PCDHGC5: variants seen among roughly 807,000 people sequenced by gnomAD.
PCDHGC5 encodes the protein protocadherin gamma subfamily C, 5, also known as protocadherin gamma-C5.
PCDHGC5 carries 25 observed loss-of-function variants against 59.0 expected under a neutral mutation model. The ratio of observed to expected loss-of-function variants is 0.42; its 90% CI spans 0.31 to 0.59. The LOEUF (loss-of-function observed/expected upper bound fraction) is 0.59. PCDHGC5 is among the 20% of genes least tolerant of loss of function. The probability of loss-of-function intolerance (pLI) is 0.13; values close to 1 mark genes in which losing one functional copy is unlikely to be tolerated. For synonymous variants in PCDHGC5, 434 were observed against 505.5 expected, an observed-to-expected ratio of 0.86 and a Z score of 1.90; for missense variants, 1,067 against 1,206.4, an observed-to-expected ratio of 0.88 and a Z score of 1.71.
At position 141,495,662 on chromosome 5, in the gene PCDHGC5, C is replaced by T. The variant is rs545912968; in HGVS notation, c.2519+797C>T. The stretch of plus-strand genomic sequence containing the variant: ...TTTGTCTACTTGCATTGATCTGTGC[C>T]GCCCACTGTGCCTGCCATGGCATAA... On this transcript the variant is annotated intron_variant, in intron 2 of 3. Coordinates refer to ENST00000252087, the MANE Select transcript of PCDHGC5 (RefSeq NM_018929.3). Among the ~76,000 whole-genome samples, 8 of 152,256 alleles carry T rather than the reference C, an allele frequency of 5.3e-5. No individual in the cohort carries two copies. In the South Asian group the frequency reaches 6.2e-4, roughly 12 times the overall value.
At chr5:141,497,464 TGGA>T (rs769464389) in intron 2 of PCDHGC5, among the ~76,000 whole-genome samples, 3 of 151,764 alleles carry the variant, frequency 2.0e-5, no homozygotes, top group Non-Finnish European at 4.4e-5. Context: ...CTTGGAGATA[TGGA>T]GGAGAAGGTG....
At chr5:141,498,971 G>GGGAGGGAAGGAAGGAAGGAA (rs2099787588) in intron 2 of PCDHGC5, among the ~76,000 whole-genome samples, 11 of 111,048 alleles carry the variant, frequency 9.9e-5, no homozygotes, top group African/African-American at 3.2e-4. Context: ...GAGGGAGGGA[G>GGGAGGGAAGGAAGGAAGGAA]GGAAGGAAGG....
intron 3 of PCDHGC5, among the ~76,000 whole-genome samples, chr5:141,506,598 G>A (rs1056005258): frequency 6.6e-6 from 1 of 152,130 alleles, no homozygotes; most frequent in Non-Finnish European, 1.5e-5. Context: ...CAGTATTAAC[G>A]GATCTCATTG....
At position 141,491,290 on chromosome 5, in the gene PCDHGC5, C is replaced by T. The variant is rs747758229; in HGVS notation, c.2050C>T (p.Pro684Ser). Reference sequence around the variant, plus strand: ...CAAATCCAGTGACTTCCTCATACACCCTCCTGAGCGTTCAGACCTTACCCT... The same window carrying T: ...CAAATCCAGTGACTTCCTCATACACTCTCCTGAGCGTTCAGACCTTACCCT... ...MPKSSDFLIH[P>S]PERSDLTLYL... is the part of the protein sequence containing the mutation. Residue 684 changes from proline to serine, a missense_variant, in exon 1 of 4, where the codon CCT becomes TCT. Pro to Ser is a moderately conservative substitution (Grantham distance 74). Coordinates refer to ENST00000252087, the MANE Select transcript of PCDHGC5 (RefSeq NM_018929.3). The surrounding 1 kb of genome is among the most constrained non-coding windows in gnomAD (Gnocchi z 6.9). 6.2e-7 allele frequency: 1 copy of T among 1,613,974 alleles called. No homozygotes were observed. Among genetic ancestry groups the T allele is most frequent in the Non-Finnish European group, 8.5e-7 (1 of 1,179,952 alleles).
At chr5:141,504,240 G>A (rs1275204117) in intron 2 of PCDHGC5, among the ~76,000 whole-genome samples, 1 of 152,182 alleles carries the variant, frequency 6.6e-6, no homozygotes, top group Non-Finnish European at 1.5e-5. Context: ...AAGAAGCAGA[G>A]AGTTCTTCTT....
chr5:141,505,589 C>T, intron 3 of PCDHGC5, 108 bp downstream of exon 3: 1 of 1,573,272 alleles, frequency 6.4e-7, no homozygotes, highest in Non-Finnish European at 8.6e-7. Context: ...GTAGTTTCTC[C>T]AGATCTTTCG....
intron 3 of PCDHGC5, among the ~76,000 whole-genome samples, chr5:141,505,942 G>A (rs2099849309): frequency 6.6e-6 from 1 of 152,192 alleles, no homozygotes; most frequent in African/African-American, 2.4e-5. Flanking sequence ...AAGCCCTCAA[G>A]CAATGAAAGT....
At position 141,491,809 on chromosome 5, in the gene PCDHGC5, C is replaced by A. The variant is rs1421763758; in HGVS notation, c.2460+109C>A. The A allele has an allele frequency of 6.7e-7, 1 of 1,487,044 alleles. No homozygotes were observed. The highest frequency in any genetic ancestry group is 1.4e-5 in the South Asian group (1 of 72,986). The allele number at this position is 1,487,044 out of a possible 1,614,324, so 92.1% of individuals were successfully genotyped here. On this transcript the variant is annotated intron_variant, in intron 1 of 3. Coordinates refer to ENST00000252087, the MANE Select transcript of PCDHGC5 (RefSeq NM_018929.3). This position sits in a 1 kb window ranked among gnomAD's most constrained non-coding sequence, Gnocchi z 6.9. Reference sequence around the variant, plus strand: ...TCCACTCCTCTCCGGCCGGCTTGGTCGCTGGCTGCGCTCCACCCGATTCTC... The same window carrying A: ...TCCACTCCTCTCCGGCCGGCTTGGTAGCTGGCTGCGCTCCACCCGATTCTC...
rs551414580 is a variant in PCDHGC5, at chr5:141,493,693, C to T, written c.2461-1114C>T. ...GCCCCAGAATGGTGCTGGTGACTCC[C>T]GATACACCTGGAATGCTAGGTTTCT... On this transcript the variant is annotated intron_variant, in intron 1 of 3. Coordinates refer to ENST00000252087, the MANE Select transcript of PCDHGC5 (RefSeq NM_018929.3). This position sits in a 1 kb window ranked among gnomAD's most constrained non-coding sequence, Gnocchi z 4.3. 5.3e-5 allele frequency among the ~76,000 whole-genome samples: 8 copies of T among 152,168 alleles called. No individual in the cohort carries two copies. Among genetic ancestry groups the T allele is most frequent in the Non-Finnish European group, 1.0e-4 (7 of 68,032 alleles).
At chr5:141,503,309 A>G (rs2099819130) in intron 2 of PCDHGC5, among the ~76,000 whole-genome samples, 1 of 152,034 alleles carries the variant, frequency 6.6e-6, no homozygotes, top group Non-Finnish European at 1.5e-5. Flanking sequence ...TCAAGAAAGA[A>G]TTGTTGGAGG....
At position 141,494,934 on chromosome 5, in the gene PCDHGC5, T is replaced by C. The variant is rs2099757666; in HGVS notation, c.2519+69T>C. On this transcript the variant is annotated intron_variant, in intron 2 of 3. Transcript: ENST00000252087. ...TTCTCAGGGATGACGTGGGAGGAGA[T>C]GGGGGAGGGCCCAGCATTTGCTACA... 5.6e-6 allele frequency: 9 copies of C among 1,612,736 alleles called. No individual in the cohort carries two copies. The South Asian group carries it at 7.7e-5, about 14-fold the overall frequency.
chr5:141,505,078 C>G (rs535590642), intron 2 of PCDHGC5, among the ~76,000 whole-genome samples: 81 of 152,298 alleles, frequency 5.3e-4, no homozygotes, highest in African/African-American at 2.0e-3. Flanking sequence ...AGGAGAATCG[C>G]TTGAACCCAG....
In PCDHGC5 at chr5:141,491,722, C is replaced by T. The variant is rs1276921909; in HGVS notation, c.2460+22C>T. ...CCAGGTGAGGGGCTCGGCGCCGCCC[C>T]GGGCGACCCCTGGGGGCGGCACTGG... On this transcript the variant is annotated intron_variant, in intron 1 of 3. Coordinates refer to ENST00000252087, the MANE Select transcript of PCDHGC5 (RefSeq NM_018929.3). This position sits in a 1 kb window ranked among gnomAD's most constrained non-coding sequence, Gnocchi z 6.9. The T allele has an allele frequency of 6.2e-7, 1 of 1,607,004 alleles. No homozygotes were observed.
chr5:141,494,953 T>G, intron 2 of PCDHGC5, 88 bp downstream of exon 2: 1 of 1,604,164 alleles, frequency 6.2e-7, no homozygotes, highest in Non-Finnish European at 8.5e-7. Flanking sequence ...GCCCAGCATT[T>G]GCTACAGATG....
Position 141,491,889 on chromosome 5 carries a change from C to T in PCDHGC5, c.2460+189C>T, listed in dbSNP as rs2099734763. On this transcript the variant is annotated intron_variant, in intron 1 of 3. Transcript: ENST00000252087. The surrounding 1 kb of genome is among the most constrained non-coding windows in gnomAD (Gnocchi z 6.9). ...GAGTGGCCGATTAAGGGATGGGGCT[C>T]CGAGCACCGGGGGTGGTGGCGACTG... 11 of 1,441,360 alleles carry T rather than the reference C, an allele frequency of 7.6e-6. No individual in the cohort carries two copies. Among genetic ancestry groups the T allele is most frequent in the Non-Finnish European group, 1.0e-5 (11 of 1,090,600 alleles). 89.3% of individuals were successfully genotyped at this position (1,441,360 alleles called of 1,614,324 possible).
intron 3 of PCDHGC5, among the ~76,000 whole-genome samples, chr5:141,509,381 C>T (rs181928019): frequency 6.6e-6 from 1 of 152,256 alleles, no homozygotes; most frequent in East Asian, 1.9e-4. Flanking sequence ...TGTCTCCTAA[C>T]CACAGAGGAT....
At position 141,511,963 on chromosome 5, in the gene PCDHGC5, AGT is replaced by A. The variant is rs1204123000; in HGVS notation, c.*796_*797del. On this transcript the variant is annotated 3_prime_UTR_variant, in exon 4 of 4. Transcript: ENST00000252087. ...ATGGGGTGGTAAGATAAGGAAGGGA[AGT>A]GTGTGGATGTGGATGGTGGGGGCAT... 1 of 153,636 alleles carries A rather than the reference AGT, an allele frequency of 6.5e-6. No individual in the cohort carries two copies. 9.5% of individuals were successfully genotyped at this position (153,636 alleles called of 1,614,324 possible).
Position 141,512,270 on chromosome 5 carries a change from G to C in PCDHGC5, c.*1097G>C, listed in dbSNP as rs1188941232. On this transcript the variant is annotated 3_prime_UTR_variant, in exon 4 of 4. Transcript: ENST00000252087. ...TCTGTGGGTGCTGGGTACTCCAGAG[G>C]TGCCACTGGTGGAAGGGTCAGCGGA... 6.5e-6 allele frequency: 1 copy of C among 152,714 alleles called. No homozygotes were observed. The highest frequency in any genetic ancestry group is 2.4e-5 in the African/African-American group (1 of 41,452). The allele number at this position is 152,714 out of a possible 1,614,324, so 9.5% of individuals were successfully genotyped here. A position where few individuals can be genotyped will look rare whatever the true frequency, so the allele number is the denominator to read the frequency against.
At position 141,490,874 on chromosome 5, in the gene PCDHGC5, A is replaced by T. The variant is rs368927472; in HGVS notation, c.1634A>T (p.His545Leu). 2 of 1,613,948 alleles carry T rather than the reference A, an allele frequency of 1.2e-6. No homozygotes were observed. Among genetic ancestry groups the T allele is most frequent in the Non-Finnish European group, 1.7e-6 (2 of 1,179,952 alleles). The change falls in exon 1 of 4, where the codon CAT becomes CTT. Residue 545 changes from histidine (H) to leucine (L), a missense_variant. His to Leu is a moderately conservative substitution (Grantham distance 99). Transcript: ENST00000252087. The surrounding 1 kb of genome is among the most constrained non-coding windows in gnomAD (Gnocchi z 5.4). The stretch of plus-strand genomic sequence containing the variant: ...CGAGACTCCGGCTCTCCCCCATTGC[A>T]TGCCAACACATCTCTGCATGTGTTT... ...GVRDSGSPPLHANTSLHVFVL... is the reference protein window; with the variant it reads ...GVRDSGSPPLLANTSLHVFVL...
Sources: gnomAD v4.1 joint callset for allele counts (sites outside exome capture counted in the v4.1 genomes callset) on GRCh38, gnomAD v4.1.1 for gene constraint, Gnocchi (gnomAD v3.1) non-coding constraint, MANE v1.5 for transcripts, NCBI Gene and HGNC (gene_info 2026-07-23, HGNC 2026-07-21) for gene names.